NELL2: variants seen among roughly 807,000 people sequenced by gnomAD.
The protein encoded by NELL2 is neural EGFL like 2, also known as protein kinase C-binding protein NELL2.
In NELL2, 41 loss-of-function variants were observed where a neutral mutation model predicts 109.6. That is an observed-to-expected ratio of 0.37 (90% CI 0.29 to 0.49). The LOEUF (loss-of-function observed/expected upper bound fraction) is 0.49. NELL2 is among the 20% of genes least tolerant of loss of function. The pLI, the probability that NELL2 is intolerant of heterozygous loss-of-function variation, is 0.98. For synonymous variants in NELL2, 355 were observed against 344.7 expected (o/e 1.03, Z -0.33); for missense variants, 900 against 1,008.3 (o/e 0.89, Z 1.45).
chr12:44,660,423 A>G (rs1947698148), intron 13 of NELL2, among the ~76,000 whole-genome samples: 1 of 152,186 alleles, frequency 6.6e-6, no homozygotes. Flanking sequence ...CCAAGGAAAT[A>G]AAACATTTCC....
At chr12:44,613,723 G>C (rs1945711618) in intron 13 of NELL2, among the ~76,000 whole-genome samples, 1 of 152,046 alleles carries the variant, frequency 6.6e-6, no homozygotes, top group Non-Finnish European at 1.5e-5. Context: ...TAGTCTCAAA[G>C]AAGATTTGAT....
At chr12:44,736,978 A>G (rs2136486715) in intron 9 of NELL2, among the ~76,000 whole-genome samples, 2 of 152,140 alleles carry the variant, frequency 1.3e-5, no homozygotes, top group East Asian at 3.9e-4. Flanking sequence ...GTATTTGTTT[A>G]CTCATTGATC....
chr12:44,897,277 G>C (rs189853515), intron 1 of NELL2, among the ~76,000 whole-genome samples: 113 of 152,258 alleles, frequency 7.4e-4, no homozygotes, highest in Non-Finnish European at 1.3e-3. Context: ...TAAGACATGA[G>C]AAAGAGGAGT....
intron 1 of NELL2, among the ~76,000 whole-genome samples, chr12:44,881,617 A>T (rs946155346): frequency 5.3e-5 from 8 of 152,020 alleles, no homozygotes; most frequent in Non-Finnish European, 8.8e-5. Context: ...GACTTTTTTT[A>T]AAAAATGAAT....
At position 44,842,674 on chromosome 12, in the gene NELL2, C is replaced by T. The variant is rs73279149; in HGVS notation, c.185-26538G>A. On this transcript the variant is annotated intron_variant, in intron 2 of 19. Transcript: ENST00000429094. ...AAGTGTTCTGGGTTAAACTGTGTCC[C>T]CCCAAAAATTCATGCCCACTGGAAC... Among the ~76,000 whole-genome samples the T allele has an allele frequency of 6.0e-3, 916 of 152,162 alleles. 6 individuals carry two copies. The highest frequency in any genetic ancestry group is 0.021 in the African/African-American group (872 of 41,496).
chr12:44,715,584 C>T (rs549455164), intron 9 of NELL2, among the ~76,000 whole-genome samples: 1 of 152,070 alleles, frequency 6.6e-6, no homozygotes, highest in African/African-American at 2.4e-5. Context: ...CTGGCTTAGG[C>T]TCCTTGTAAG....
At chr12:44,741,576 G>A (rs1198451097) in intron 9 of NELL2, among the ~76,000 whole-genome samples, 1 of 152,218 alleles carries the variant, frequency 6.6e-6, no homozygotes, top group Non-Finnish European at 1.5e-5. Context: ...GTGACAGACG[G>A]CACCTGGAAA....
chr12:44,783,527 AC>A (rs35948267), intron 3 of NELL2, among the ~76,000 whole-genome samples: 1 of 151,936 alleles, frequency 6.6e-6, no homozygotes, highest in Non-Finnish European at 1.5e-5. Context: ...TTCATTACAG[AC>A]CCTGCAGATA....
chr12:44,815,649 C>T (rs933934455), intron 3 of NELL2, among the ~76,000 whole-genome samples: 9 of 152,210 alleles, frequency 5.9e-5, no homozygotes, highest in African/African-American at 1.9e-4. Context: ...GACGGAGTCT[C>T]GCTCTGTTAC....
chr12:44,826,514 C>A (rs923969798), intron 2 of NELL2, among the ~76,000 whole-genome samples: 3 of 152,034 alleles, frequency 2.0e-5, no homozygotes, highest in Non-Finnish European at 4.4e-5. Context: ...TTTTAAAAGC[C>A]ATTAAAATTT....
intron 3 of NELL2, among the ~76,000 whole-genome samples, chr12:44,791,095 A>ATATG (rs1212656381): frequency 0.015 from 208 of 13,804 alleles, 22 homozygotes; most frequent in Non-Finnish European, 0.028. Flanking sequence ...ATATATATAT[A>ATATG]TGTATATATA....
At chr12:44,875,094 G>T in intron 2 of NELL2, 131 bp downstream of exon 2, 1 of 1,207,866 alleles carries the variant, frequency 8.3e-7, no homozygotes, top group Non-Finnish European at 1.1e-6. Flanking sequence ...GTCTCACACT[G>T]GCCCTTCTAC....
intron 13 of NELL2, among the ~76,000 whole-genome samples, chr12:44,635,502 G>C (rs552150405): frequency 6.6e-6 from 1 of 152,142 alleles, no homozygotes; most frequent in East Asian, 1.9e-4. Context: ...TTCTGCACAT[G>C]GCTAGCCAGT....
At chr12:44,638,004 C>T (rs950938920) in intron 13 of NELL2, among the ~76,000 whole-genome samples, 2 of 151,996 alleles carry the variant, frequency 1.3e-5, no homozygotes, top group African/African-American at 4.8e-5. Context: ...ACTGCAAAAG[C>T]CCTTTGTCAG....
chr12:44,835,230 T>TTATG (rs1944016448), intron 2 of NELL2, among the ~76,000 whole-genome samples: 1 of 152,074 alleles, frequency 6.6e-6, no homozygotes, highest in Non-Finnish European at 1.5e-5. Flanking sequence ...GTGGTACTGA[T>TTATG]TATGTACTCC....
At chr12:44,799,562 A>T (rs1942759398) in intron 3 of NELL2, among the ~76,000 whole-genome samples, 1 of 152,132 alleles carries the variant, frequency 6.6e-6, no homozygotes, top group Non-Finnish European at 1.5e-5. Context: ...CCATCTTACT[A>T]CCACTTTATA....
intron 15 of NELL2, among the ~76,000 whole-genome samples, chr12:44,566,984 G>C (rs534636678): frequency 3.3e-5 from 5 of 152,114 alleles, no homozygotes; most frequent in Admixed American, 3.3e-4. Flanking sequence ...GCTAATTTTT[G>C]TATTTTCAGT....
At chr12:44,579,578 T>C (rs762388037) in intron 15 of NELL2, among the ~76,000 whole-genome samples, 13 of 152,216 alleles carry the variant, frequency 8.5e-5, no homozygotes, top group Non-Finnish European at 1.8e-4. Flanking sequence ...GCTTTTCATA[T>C]GGCTTACCAC....
chr12:44,712,950 GA>G (rs1170755347), intron 10 of NELL2, among the ~76,000 whole-genome samples: 1 of 151,818 alleles, frequency 6.6e-6, no homozygotes, highest in Non-Finnish European at 1.5e-5. Flanking sequence ...TTAGAAGGTA[GA>G]AAATGGTGCC....
Sources: allele counts gnomAD v4.1 joint callset (sites outside exome capture counted in the v4.1 genomes callset), GRCh38; gene constraint gnomAD v4.1.1; transcripts MANE v1.5; gene names NCBI Gene and HGNC (gene_info 2026-07-23, HGNC 2026-07-21).